The following SPTLC2 variants were observed in gnomAD, a reference collection of about 807,000 sequenced individuals.
The protein encoded by SPTLC2 is serine palmitoyltransferase long chain base subunit 2, also known as serine palmitoyltransferase 2.
Under a neutral mutation model 62.0 loss-of-function variants are expected in SPTLC2, and 21 were observed. The observed-to-expected ratio is 0.34, with a 90% CI of 0.24 to 0.49. The LOEUF is 0.49. SPTLC2 is among the 20% of genes least tolerant of loss of function. SPTLC2 has a pLI of 0.99. For synonymous variants in SPTLC2, 261 were observed against 261.8 expected, an observed-to-expected ratio of 1.00 and a Z score of 0.03; for missense variants, 511 against 713.0, an observed-to-expected ratio of 0.72 and a Z score of 3.23.
chr14:77,532,683 C>CT (rs1440886223), intron 9 of SPTLC2, among the ~76,000 whole-genome samples: 3 of 151,948 alleles, frequency 2.0e-5, no homozygotes, highest in African/African-American at 7.3e-5. Context: ...ACTCGGGAGG[C>CT]TGAGGCAGGA....
At chr14:77,567,404 A>G (rs76334538) in intron 5 of SPTLC2, among the ~76,000 whole-genome samples, 3,312 of 152,360 alleles carry the variant, frequency 0.022, 110 homozygotes, top group African/African-American at 0.076. Context: ...TCTAACAAAT[A>G]AGAATCTCAG....
intron 8 of SPTLC2, among the ~76,000 whole-genome samples, chr14:77,553,646 G>A (rs755071015): frequency 6.8e-6 from 1 of 146,804 alleles, no homozygotes; most frequent in African/African-American, 2.5e-5. Context: ...CAGGAGAATC[G>A]CTTGATCCCA....
chr14:77,589,411 G>C (rs145935472), intron 2 of SPTLC2, among the ~76,000 whole-genome samples: 4 of 151,752 alleles, frequency 2.6e-5, no homozygotes, highest in Non-Finnish European at 5.9e-5. Flanking sequence ...CACCTACCTC[G>C]ACTACAAATA....
chr14:77,578,586 G>A (rs781679097), intron 3 of SPTLC2, among the ~76,000 whole-genome samples: 2 of 151,860 alleles, frequency 1.3e-5, no homozygotes, highest in East Asian at 1.9e-4. Context: ...TGGGTGTGGC[G>A]GTGCATGCCT....
At chr14:77,593,877 C>A (rs912806360) in intron 2 of SPTLC2, among the ~76,000 whole-genome samples, 1 of 152,190 alleles carries the variant, frequency 6.6e-6, no homozygotes, top group Admixed American at 6.5e-5. Context: ...CATCTCTAAT[C>A]CAACATTAGA....
At chr14:77,586,639 C>T (rs74065512) in intron 2 of SPTLC2, among the ~76,000 whole-genome samples, 1 of 151,708 alleles carries the variant, frequency 6.6e-6, no homozygotes, top group Non-Finnish European at 1.5e-5. Flanking sequence ...AAGCGAAAGA[C>T]AAGCCACAAA....
At chr14:77,518,011 T>C (rs754179729) in intron 11 of SPTLC2, 27 bp downstream of exon 11, 5 of 1,613,994 alleles carry the variant, frequency 3.1e-6, no homozygotes, top group Non-Finnish European at 4.2e-6. Flanking sequence ...AAGGCATATT[T>C]ATATCAAGGT....
intron 9 of SPTLC2, among the ~76,000 whole-genome samples, chr14:77,539,506 T>TTTTTG (rs374182497): frequency 4.0e-4 from 32 of 80,082 alleles, no homozygotes; most frequent in East Asian, 1.6e-3. Flanking sequence ...TTTTTTTTTT[T>TTTTTG]GGAGATGGGG....
intron 2 of SPTLC2, among the ~76,000 whole-genome samples, chr14:77,579,843 T>C (rs1160419537): frequency 6.6e-6 from 1 of 152,230 alleles, no homozygotes; most frequent in African/African-American, 2.4e-5. Flanking sequence ...TTAACTTTAA[T>C]AGTTGACATA....
At chr14:77,564,262 GGAGGAA>G (rs1325798560) in intron 5 of SPTLC2, among the ~76,000 whole-genome samples, 13 of 142,328 alleles carry the variant, frequency 9.1e-5, no homozygotes, top group Admixed American at 1.4e-4. Flanking sequence ...AGGAGGAGGA[GGAGGAA>G]GAGGAGGAAG....
intron 5 of SPTLC2, among the ~76,000 whole-genome samples, chr14:77,564,357 G>A (rs919269100): frequency 1.3e-5 from 2 of 150,294 alleles, no homozygotes; most frequent in African/African-American, 4.9e-5. Context: ...ACTAGAGCCG[G>A]CAGTATCAAT....
intron 2 of SPTLC2, among the ~76,000 whole-genome samples, chr14:77,581,743 A>T (rs893040949): frequency 3.3e-5 from 5 of 152,156 alleles, no homozygotes; most frequent in African/African-American, 1.2e-4. Context: ...TCTAATAGTT[A>T]ATTTTCCTCA....
intron 6 of SPTLC2, among the ~76,000 whole-genome samples, chr14:77,558,922 G>A (rs558574270): frequency 6.6e-6 from 1 of 152,152 alleles, no homozygotes; most frequent in Non-Finnish European, 1.5e-5. Context: ...AGAGAGCAAT[G>A]TATGGCGATC....
Position 77,595,744 on chromosome 14 carries a change from T to C in SPTLC2, c.327+1442A>G, listed in dbSNP as rs147489926. 6.8e-3 allele frequency among the ~76,000 whole-genome samples: 1,037 copies of C among 152,344 alleles called. 3 individuals carry two copies. The highest frequency in any genetic ancestry group is 0.012 in the Non-Finnish European group (793 of 68,026). ...GAATAATTGTTTCTTCTACAATCAA[T>C]GTTCACTGGCTCGTCTCAGCGTTGA... On this transcript the variant is annotated intron_variant, in intron 2 of 11. Transcript: ENST00000216484.
chr14:77,538,103 T>C (rs1167349827), intron 9 of SPTLC2, among the ~76,000 whole-genome samples: 2 of 152,248 alleles, frequency 1.3e-5, no homozygotes, highest in African/African-American at 2.4e-5. Flanking sequence ...CTTCATTCTC[T>C]AATGCTCTGA....
chr14:77,608,189 C>T (rs2079915068), intron 1 of SPTLC2, among the ~76,000 whole-genome samples: 1 of 152,188 alleles, frequency 6.6e-6, no homozygotes, highest in Admixed American at 6.5e-5. Flanking sequence ...TTCTCACAAG[C>T]TCTCCCCTCA....
intron 1 of SPTLC2, among the ~76,000 whole-genome samples, chr14:77,612,003 TAA>T (rs2079941068): frequency 6.6e-6 from 1 of 152,212 alleles, no homozygotes; most frequent in Non-Finnish European, 1.5e-5. Flanking sequence ...TTTCTAACAG[TAA>T]ATGGGTCAAG....
At chr14:77,554,282 C>A (rs902720417) in intron 8 of SPTLC2, among the ~76,000 whole-genome samples, 2 of 152,130 alleles carry the variant, frequency 1.3e-5, no homozygotes, top group African/African-American at 4.8e-5. Flanking sequence ...AAGCCACATA[C>A]ACAGAATTCA....
In SPTLC2 at chr14:77,511,598, G is replaced by C. The variant is rs1029487620; in HGVS notation, c.*686C>G. The C allele has an allele frequency of 6.4e-6, 1 of 155,376 alleles. No homozygotes were observed. Among genetic ancestry groups the C allele is most frequent in the African/African-American group, 2.4e-5 (1 of 41,444 alleles). The allele number at this position is 155,376 out of a possible 1,614,324, so 9.6% of individuals were successfully genotyped here. A position where few individuals can be genotyped will look rare whatever the true frequency, so the allele number is the denominator to read the frequency against. On this transcript the variant is annotated 3_prime_UTR_variant, in exon 12 of 12. Coordinates refer to ENST00000216484, the MANE Select transcript of SPTLC2 (RefSeq NM_004863.4). ...GAACCAGAATTTGCGCACATCCTCA[G>C]ACTGTGACCATTATGAAGAAGTATT...
Sources: allele counts gnomAD v4.1 joint callset (sites outside exome capture counted in the v4.1 genomes callset), GRCh38; gene constraint gnomAD v4.1.1; transcripts MANE v1.5; gene names NCBI Gene and HGNC (gene_info 2026-07-23, HGNC 2026-07-21).